Variants in RAB1A observed in about 807,000 individuals in gnomAD.
RAB1A encodes RAB1A, member RAS oncogene family.
Under a neutral mutation model 26.0 loss-of-function variants are expected in RAB1A, and 2 were observed. The observed-to-expected ratio is 0.08, with a 90% CI of 0.03 to 0.24. The LOEUF (loss-of-function observed/expected upper bound fraction) is 0.24, where lower values mean the gene tolerates loss of function less well. RAB1A is among the 10% of genes least tolerant of loss of function. The pLI is 1.00. For synonymous variants in RAB1A, 84 were observed against 84.9 expected (o/e 0.99, Z 0.06); for missense variants, 100 against 247.0 (o/e 0.40, Z 3.99).
intron 2 of RAB1A, among the ~76,000 whole-genome samples, chr2:65,099,288 C>T (rs535081987): frequency 9.2e-5 from 14 of 152,258 alleles, no homozygotes; most frequent in African/African-American, 3.4e-4. Flanking sequence ...TATATGTTTC[C>T]TGTCAATTTT....
At chr2:65,106,144 GACA>G (rs140245491) in intron 1 of RAB1A, among the ~76,000 whole-genome samples, 4,823 of 152,224 alleles carry the variant, frequency 0.032, 269 homozygotes, top group African/African-American at 0.11. Flanking sequence ...ATGGAACTAA[GACA>G]ACATTATTAT....
chr2:65,116,736 CTAAAGT>C (rs2103870880), intron 1 of RAB1A, among the ~76,000 whole-genome samples: 1 of 152,324 alleles, frequency 6.6e-6, no homozygotes, highest in African/African-American at 2.4e-5. Context: ...CATATATAAT[CTAAAGT>C]TAAAGTTTAA....
chr2:65,124,793 A>T (rs1268303120), intron 1 of RAB1A, among the ~76,000 whole-genome samples: 1 of 152,144 alleles, frequency 6.6e-6, no homozygotes, highest in Non-Finnish European at 1.5e-5. Flanking sequence ...TCATCATCTC[A>T]TTCACACAAA....
intron 1 of RAB1A, among the ~76,000 whole-genome samples, chr2:65,123,897 C>T (rs548998611): frequency 1.2e-5 from 1 of 85,550 alleles, no homozygotes; most frequent in African/African-American, 3.8e-5. Context: ...TTTAAGACAA[C>T]GTTAAAAAAA....
At chr2:65,093,708 C>T (rs747788671) in intron 3 of RAB1A, among the ~76,000 whole-genome samples, 1 of 151,350 alleles carries the variant, frequency 6.6e-6, no homozygotes, top group Non-Finnish European at 1.5e-5. Flanking sequence ...CTGCAATCTC[C>T]GCCTCCTGGG....
At chr2:65,113,251 G>A (rs1273382372) in intron 1 of RAB1A, among the ~76,000 whole-genome samples, 1 of 152,158 alleles carries the variant, frequency 6.6e-6, no homozygotes, top group Non-Finnish European at 1.5e-5. Flanking sequence ...AATGGCATCG[G>A]TACATATATG....
rs1255300733 is a variant in RAB1A, at chr2:65,086,930, ATTATC to A, written c.*1558_*1562del. ...AATATTCTGTCCATTTCATTTTACAATTATCTTACCACTTATTTTTGTACCATGTA... is the reference window on the plus strand; with the variant it reads ...AATATTCTGTCCATTTCATTTTACAATTACCACTTATTTTTGTACCATGTA... On this transcript the variant is annotated 3_prime_UTR_variant, in exon 6 of 6. Transcript: ENST00000409784. 1.3e-5 allele frequency: 2 copies of A among 152,622 alleles called. No individual in the cohort carries two copies. The highest frequency in any genetic ancestry group is 2.4e-5 in the African/African-American group (1 of 41,450). The allele number at this position is 152,622 out of a possible 1,614,324, so 9.5% of individuals were successfully genotyped here.
chr2:65,094,152 TAG>T (rs1168333268), intron 3 of RAB1A, among the ~76,000 whole-genome samples: 1 of 152,038 alleles, frequency 6.6e-6, no homozygotes, highest in Non-Finnish European at 1.5e-5. Flanking sequence ...GTGTTTTTGG[TAG>T]AGACAGGGTT....
intron 1 of RAB1A, 146 bp downstream of exon 1, chr2:65,129,747 G>T (rs1480811461): frequency 2.3e-6 from 3 of 1,324,988 alleles, no homozygotes; most frequent in African/African-American, 1.5e-5. Context: ...AATGGGGCCC[G>T]ACTCCCGGCC....
At position 65,130,098 on chromosome 2, in the gene RAB1A, A is replaced by T. The variant is rs984843929; in HGVS notation, c.-183T>A. The T allele has an allele frequency of 2.3e-5, 17 of 728,622 alleles. No homozygotes were observed. In the African/African-American group the frequency reaches 2.4e-4, roughly 10 times the overall value. 45.1% of individuals were successfully genotyped at this position (728,622 alleles called of 1,614,324 possible). A position where few individuals can be genotyped will look rare whatever the true frequency, so the allele number is the denominator to read the frequency against. On this transcript the variant is annotated 5_prime_UTR_variant, in exon 1 of 6. Transcript: ENST00000409784. ...CCGCCGCCACTCAGCTATCGCTTCC[A>T]CCCAAAATGGCCGCCGGCGAACCAG... is the stretch of plus-strand genomic sequence containing the variant.
intron 3 of RAB1A, among the ~76,000 whole-genome samples, chr2:65,094,618 C>G (rs1669244218): frequency 6.6e-6 from 1 of 150,782 alleles, no homozygotes. Flanking sequence ...AAAAAACAAG[C>G]AAATCAAAAA....
chr2:65,110,802 G>C (rs1022379911), intron 1 of RAB1A, among the ~76,000 whole-genome samples: 2 of 151,922 alleles, frequency 1.3e-5, no homozygotes, highest in African/African-American at 4.8e-5. Context: ...TGGGTGTGGT[G>C]GTCTATGCCT....
At chr2:65,114,471 T>G (rs547771287) in intron 1 of RAB1A, among the ~76,000 whole-genome samples, 1 of 152,358 alleles carries the variant, frequency 6.6e-6, no homozygotes, top group African/African-American at 2.4e-5. Context: ...TAGAATGGAT[T>G]CATTTGCATG....
At chr2:65,090,451 C>G (rs1669146497) in intron 4 of RAB1A, among the ~76,000 whole-genome samples, 1 of 152,132 alleles carries the variant, frequency 6.6e-6, no homozygotes, top group South Asian at 2.1e-4. Flanking sequence ...CCACATTGTT[C>G]CCTCCATCGC....
intron 1 of RAB1A, 70 bp downstream of exon 1, chr2:65,129,823 C>T: frequency 6.4e-7 from 1 of 1,557,700 alleles, no homozygotes; most frequent in Non-Finnish European, 8.7e-7. Flanking sequence ...TGCCCCAACC[C>T]TCCTCGACCC....
intron 1 of RAB1A, among the ~76,000 whole-genome samples, chr2:65,124,554 T>A (rs1338547204): frequency 6.6e-6 from 1 of 152,106 alleles, no homozygotes; most frequent in Non-Finnish European, 1.5e-5. Flanking sequence ...TTCAAGAGAT[T>A]CTCCCGCCTC....
chr2:65,119,877 AAAAAAT>A (rs1472673323), intron 1 of RAB1A, among the ~76,000 whole-genome samples: 3 of 149,814 alleles, frequency 2.0e-5, no homozygotes, highest in Admixed American at 6.6e-5. Context: ...TTAATTAATT[AAAAAAT>A]AAAAATAAAA....
intron 3 of RAB1A, 90 bp from the exon 4 acceptor site, chr2:65,091,168 A>AT: frequency 1.1e-6 from 1 of 948,146 alleles, no homozygotes; most frequent in Non-Finnish European, 1.6e-6. Context: ...TTTAGTTTTC[A>AT]TAACTGTGGA....
chr2:65,102,440 T>A (rs1573072774), intron 2 of RAB1A, among the ~76,000 whole-genome samples: 1 of 152,262 alleles, frequency 6.6e-6, no homozygotes, highest in East Asian at 1.9e-4. Context: ...CATATGTATT[T>A]AGGATACTGT....
Sources: allele counts gnomAD v4.1 joint callset (sites outside exome capture counted in the v4.1 genomes callset), GRCh38; gene constraint gnomAD v4.1.1; transcripts MANE v1.5; gene names NCBI Gene and HGNC (gene_info 2026-07-23, HGNC 2026-07-21).